Variants in SLC26A3 observed in about 807,000 individuals in gnomAD.
The protein encoded by SLC26A3 is chloride anion exchanger.
SLC26A3 carries 64 observed loss-of-function variants against 85.6 expected under a neutral mutation model. The ratio of observed to expected loss-of-function variants is 0.75; its 90% confidence interval spans 0.61 to 0.92. SLC26A3 has a LOEUF of 0.92. SLC26A3 is among the 40% of genes least tolerant of loss of function. SLC26A3 has a pLI of 0.00. For synonymous variants in SLC26A3, 349 were observed against 336.0 expected, an observed-to-expected ratio of 1.04 and a Z score of -0.42; for missense variants, 922 against 927.3, an observed-to-expected ratio of 0.99 and a Z score of 0.07.
At chr7:107,794,975 C>G (rs1213649778) in intron 1 of SLC26A3, among the ~76,000 whole-genome samples, 1 of 152,028 alleles carries the variant, frequency 6.6e-6, no homozygotes, top group Non-Finnish European at 1.5e-5. Flanking sequence ...TGCCCCAACT[C>G]CAGTCCAGAC....
intron 8 of SLC26A3, among the ~76,000 whole-genome samples, chr7:107,784,537 T>C (rs1794261364): frequency 6.6e-6 from 1 of 152,076 alleles, no homozygotes; most frequent in African/African-American, 2.4e-5. Context: ...GCTCAAGAGA[T>C]CTCCCCACCT....
intron 13 of SLC26A3, 53 bp from the exon 14 acceptor site, chr7:107,776,759 T>C: frequency 1.3e-6 from 2 of 1,520,584 alleles, no homozygotes; most frequent in Non-Finnish European, 9.1e-7. Flanking sequence ...GTTAAGCCTA[T>C]AAGGCTAACA....
rs772151477 is a variant in SLC26A3 at position 107,791,082 on chromosome 7, G to A, written c.536C>T (p.Ala179Val). Residue 179 changes from alanine (A) to valine (V), a missense_variant, in exon 5 of 21, where the codon GCG becomes GTG. Ala to Val is a moderately conservative substitution (Grantham distance 64). Coordinates refer to ENST00000340010, the MANE Select transcript of SLC26A3 (RefSeq NM_000111.3). Reference protein sequence around the residue: ...LDDERVRVAAAASVTVLSGII... With the variant: ...LDDERVRVAAVASVTVLSGII... ...TCCAGAAAGCACTGTGACTGATGCCGCCGCCGCCACCCTCACCCTCTCGTC... is the reference window on the plus strand; with the variant it reads ...TCCAGAAAGCACTGTGACTGATGCCACCGCCGCCACCCTCACCCTCTCGTC... The A allele has an allele frequency of 3.3e-5, 53 of 1,613,960 alleles. No individual in the cohort carries two copies. The highest frequency in any genetic ancestry group is 6.7e-5 in the East Asian group (3 of 44,890).
intron 3 of SLC26A3, among the ~76,000 whole-genome samples, chr7:107,792,360 T>G (rs1354272623): frequency 6.6e-6 from 1 of 151,994 alleles, no homozygotes; most frequent in African/African-American, 2.4e-5. Flanking sequence ...TTCACCATAA[T>G]GTAGAATCAG....
At chr7:107,779,553 A>G in intron 12 of SLC26A3, 115 bp downstream of exon 12, 1 of 819,606 alleles carries the variant, frequency 1.2e-6, no homozygotes, top group Non-Finnish European at 2.0e-6. Flanking sequence ...GTTTTTTTGA[A>G]CAGATATATA....
intron 18 of SLC26A3, among the ~76,000 whole-genome samples, chr7:107,769,380 T>TGTTTTATATATGTTTTTATATATATAAA (rs1793966959): frequency 6.6e-6 from 1 of 152,070 alleles, no homozygotes; most frequent in African/African-American, 2.4e-5. Flanking sequence ...CACCGTGGAA[T>TGTTTTATATATGTTTTTATATATATAAA]ACTATATAAA....
chr7:107,769,855 C>G (rs946963294), intron 18 of SLC26A3, among the ~76,000 whole-genome samples: 2 of 152,062 alleles, frequency 1.3e-5, no homozygotes, highest in Admixed American at 6.6e-5. Flanking sequence ...CTTGTCTCCT[C>G]TCCCTAAAAA....
chr7:107,776,209 A>C, intron 15 of SLC26A3: 1 of 524,632 alleles, frequency 1.9e-6, no homozygotes, highest in Non-Finnish European at 3.4e-6. Context: ...ACTCTACATC[A>C]GAATTTGAGA....
At chr7:107,770,000 C>CCCTTTCTTTCTTTCTTTCTTTCTT (rs1554377064) in intron 18 of SLC26A3, among the ~76,000 whole-genome samples, 1 of 130,994 alleles carries the variant, frequency 7.6e-6, no homozygotes, top group Non-Finnish European at 1.7e-5. Context: ...TTCCTTTTTT[C>CCCTTTCTTTCTTTCTTTCTTTCTT]TCTTTCTTTC....
intron 1 of SLC26A3, among the ~76,000 whole-genome samples, chr7:107,802,742 CTTTTTTTT>C (rs35087147): frequency 1.8e-5 from 2 of 110,774 alleles, no homozygotes; most frequent in Non-Finnish European, 3.7e-5. Context: ...TTAAAGCTTG[CTTTTTTTT>C]TTTTTTTTTT....
chr7:107,770,181 T>TTTTTTAG lies in SLC26A3; in HGVS notation c.2062+1872_2062+1873insCTAAAAA, dbSNP rs1794001136. Among the ~76,000 whole-genome samples, 2 of 55,848 alleles carry TTTTTTAG rather than the reference T, an allele frequency of 3.6e-5. 1 individual carries two copies. Among genetic ancestry groups the TTTTTTAG allele is most frequent in the Non-Finnish European group, 5.4e-5 (2 of 37,044 alleles). 36.6% of individuals were successfully genotyped at this position (55,848 alleles called of 152,430 possible). On this transcript the variant is annotated intron_variant, in intron 18 of 20. Coordinates refer to ENST00000340010, the MANE Select transcript of SLC26A3 (RefSeq NM_000111.3). Reference sequence around the variant, plus strand: ...TTTTTTTTTTTTTTTTTTTTTTTTTTAAAAAAAAAAAGGGGTTTTTTTTTT... The same window carrying TTTTTTAG: ...TTTTTTTTTTTTTTTTTTTTTTTTTTTTTTTAGAAAAAAAAAAAGGGGTTTTTTTTTT...
chr7:107,800,144 T>C (rs113441010), intron 1 of SLC26A3, among the ~76,000 whole-genome samples: 1,891 of 152,350 alleles, frequency 0.012, 40 homozygotes, highest in African/African-American at 0.043. Flanking sequence ...TCTGTACACA[T>C]GATTTCCTTT....
intron 4 of SLC26A3, 116 bp from the exon 5 acceptor site, chr7:107,791,351 C>T (rs1275818044): frequency 9.7e-6 from 11 of 1,129,076 alleles, no homozygotes; most frequent in Non-Finnish European, 1.5e-5. Flanking sequence ...GTGGCTCACG[C>T]CTGTAATCCC....
intron 1 of SLC26A3, among the ~76,000 whole-genome samples, chr7:107,795,549 C>A (rs1794481704): frequency 6.6e-6 from 1 of 152,080 alleles, no homozygotes; most frequent in African/African-American, 2.4e-5. Flanking sequence ...ATAAAATAAT[C>A]ACACACACTC....
At chr7:107,790,146 A>G (rs1794368149) in intron 5 of SLC26A3, among the ~76,000 whole-genome samples, 1 of 152,200 alleles carries the variant, frequency 6.6e-6, no homozygotes, top group African/African-American at 2.4e-5. Flanking sequence ...TGCTTAAGAA[A>G]TACATAACTG....
At position 107,787,571 on chromosome 7, in the gene SLC26A3, C is replaced by T; in HGVS notation, c.736-62G>A. ...ATTAATGCACAATTTGGATACAACGCATCTCCAAACAAATAAAAATAAACA... is the reference window on the plus strand; with the variant it reads ...ATTAATGCACAATTTGGATACAACGTATCTCCAAACAAATAAAAATAAACA... On this transcript the variant is annotated intron_variant, in intron 6 of 20. Transcript: ENST00000340010. 4 of 1,356,512 alleles carry T rather than the reference C, an allele frequency of 2.9e-6. No individual in the cohort carries two copies. In the South Asian group the frequency reaches 4.9e-5, roughly 17 times the overall value. The allele number at this position is 1,356,512 out of a possible 1,614,324, so 84.0% of individuals were successfully genotyped here.
intron 10 of SLC26A3, 33 bp downstream of exon 10, chr7:107,782,947 A>G (rs1794235583): frequency 1.9e-6 from 3 of 1,612,716 alleles, no homozygotes; most frequent in Non-Finnish European, 2.5e-6. Context: ...TACTAACGCT[A>G]GGACAGTGCT....
chr7:107,786,893 C>T lies in SLC26A3; in HGVS notation c.905G>A (p.Gly302Asp). Residue 302 changes from glycine to aspartate, a missense_variant, in exon 8 of 21, where the codon GGT (glycine) becomes GAT (aspartate). Gly to Asp is a moderately conservative substitution (Grantham distance 94). Transcript: ENST00000340010. Reference protein sequence around the residue: ...IEFIMTVIAAGVSYGCDFKNR... With the variant: ...IEFIMTVIAADVSYGCDFKNR... The stretch of plus-strand genomic sequence containing the variant: ...TTTAAAGTCACAGCCGTAGGATACA[C>T]CTGCTGCAATCACGGTCTGCAAAGT... 3 of 1,614,060 alleles carry T rather than the reference C, an allele frequency of 1.9e-6. No homozygotes were observed. The highest frequency in any genetic ancestry group is 2.5e-6 in the Non-Finnish European group (3 of 1,179,996).
At chr7:107,790,583 G>A (rs945778625) in intron 5 of SLC26A3, among the ~76,000 whole-genome samples, 1 of 151,878 alleles carries the variant, frequency 6.6e-6, no homozygotes, top group Non-Finnish European at 1.5e-5. Flanking sequence ...CATAATCCTC[G>A]TCAGTTTTCC....
Sources: allele counts gnomAD v4.1 joint callset (sites outside exome capture counted in the v4.1 genomes callset), GRCh38; gene constraint gnomAD v4.1.1; transcripts MANE v1.5; gene names NCBI Gene and HGNC (gene_info 2026-07-23, HGNC 2026-07-21).